Variants in CLN8 observed in about 807,000 individuals in gnomAD.
CLN8 encodes CLN8 transmembrane ER and ERGIC protein.
CLN8 carries 14 observed loss-of-function variants against 15.7 expected under a neutral mutation model. The observed-to-expected ratio is 0.89, with a 90% confidence interval of 0.59 to 1.39. The LOEUF (loss-of-function observed/expected upper bound fraction) is 1.39. CLN8 is among the 40% of genes most tolerant of loss of function. CLN8 has a pLI of 0.00. For missense variants in CLN8, 415 were observed against 364.0 expected, an observed-to-expected ratio of 1.14 and a Z score of -1.14; for synonymous variants, 188 against 151.0, an observed-to-expected ratio of 1.25 and a Z score of -1.80.
rs1801761705 is a variant in CLN8 at position 1,783,695 on chromosome 8, T to G, written c.*3128T>G. On this transcript the variant is annotated 3_prime_UTR_variant, in exon 3 of 3. Transcript: ENST00000331222. ...ATGCTGGAGTTGTCATGGCCGCAGT[T>G]CAGTGTGAGATTTTTTACCAGGTAT... 6.6e-6 allele frequency: 1 copy of G among 152,106 alleles called. No homozygotes were observed. Among genetic ancestry groups the G allele is most frequent in the Admixed American group, 6.5e-5 (1 of 15,272 alleles). The allele number at this position is 152,106 out of a possible 1,614,324, so 9.4% of individuals were successfully genotyped here. A position where few individuals can be genotyped will look rare whatever the true frequency, so the allele number is the denominator to read the frequency against.
intron 2 of CLN8, among the ~76,000 whole-genome samples, chr8:1,774,133 C>T (rs1423679904): frequency 2.0e-5 from 3 of 152,210 alleles, no homozygotes; most frequent in Admixed American, 6.5e-5. Context: ...GTGGGGACAG[C>T]GTCTCCAGCA....
At chr8:1,753,728 A>G (rs974578156), upstream of CLN8, among the ~76,000 whole-genome samples, 3 of 151,506 alleles carry the variant, frequency 2.0e-5, no homozygotes, top group Admixed American at 2.0e-4. Flanking sequence ...TACTAAAAAT[A>G]CAAAAAAATT....
intron 2 of CLN8, among the ~76,000 whole-genome samples, chr8:1,775,987 A>G (rs1274714365): frequency 1.3e-5 from 2 of 152,200 alleles, no homozygotes; most frequent in Non-Finnish European, 2.9e-5. Flanking sequence ...CTGGAAGCTG[A>G]ATCTGTGAGG....
chr8:1,759,831 A>C (rs1462129810), upstream of CLN8: 1 of 152,246 alleles, frequency 6.6e-6, no homozygotes, highest in Non-Finnish European at 1.5e-5. Context: ...TCACTGGTGA[A>C]GGACACTGGA....
intron 2 of CLN8, among the ~76,000 whole-genome samples, chr8:1,776,972 A>G (rs1236210120): frequency 6.6e-6 from 1 of 152,214 alleles, no homozygotes; most frequent in Non-Finnish European, 1.5e-5. Context: ...AAGAGTACAC[A>G]GCGTGTGATA....
intron 1 of CLN8, among the ~76,000 whole-genome samples, chr8:1,757,356 G>A (rs1055633858): frequency 3.3e-5 from 5 of 152,320 alleles, no homozygotes; most frequent in Non-Finnish European, 5.9e-5. Flanking sequence ...GGGAGGGGGC[G>A]TAGAGGACAG....
At chr8:1,769,610 G>T (rs1049759237) in intron 1 of CLN8, among the ~76,000 whole-genome samples, 1 of 152,150 alleles carries the variant, frequency 6.6e-6, no homozygotes, top group South Asian at 2.1e-4. Flanking sequence ...GTCGGTAGCC[G>T]TTCCTATGTC....
Position 1,782,102 on chromosome 8 carries a change from T to C in CLN8, c.*1535T>C, listed in dbSNP as rs938228748. 8.5e-5 allele frequency: 13 copies of C among 152,216 alleles called. No homozygotes were observed. Among genetic ancestry groups the C allele is most frequent in the African/African-American group, 3.1e-4 (13 of 41,458 alleles). 9.4% of individuals were successfully genotyped at this position (152,216 alleles called of 1,614,324 possible). On this transcript the variant is annotated 3_prime_UTR_variant, in exon 3 of 3. Coordinates refer to ENST00000331222, the MANE Select transcript of CLN8 (RefSeq NM_018941.4). Reference sequence around the variant, plus strand: ...AATCATGTGTGACTTACGTTCCTTATGTTTTATGGAACTCTCGGAACAGTG... The same window carrying C: ...AATCATGTGTGACTTACGTTCCTTACGTTTTATGGAACTCTCGGAACAGTG...
In CLN8 at chr8:1,771,205, G is replaced by A. The variant is rs777453297; in HGVS notation, c.151G>A (p.Ala51Thr). ...CCACCAGCTGTCCTCTTCCCTGAAT[G>A]CCACTTACCGTTCTTTGGTGGCCAG... is the stretch of plus-strand genomic sequence containing the variant. ...VCHQLSSSLN[A>T]TYRSLVAREK... Residue 51 changes from alanine (A) to threonine (T), a missense_variant, in exon 2 of 3, where the codon GCC becomes ACC. Coordinates refer to ENST00000331222, the MANE Select transcript of CLN8 (RefSeq NM_018941.4). The A allele has an allele frequency of 4.0e-5, 64 of 1,613,956 alleles. No individual in the cohort carries two copies. The South Asian group carries it at 6.5e-4, about 16-fold the overall frequency.
rs530479872 is a variant in CLN8, at chr8:1,775,360, C to T, written c.543+3763C>T. Among the ~76,000 whole-genome samples, 4 of 152,236 alleles carry T rather than the reference C, an allele frequency of 2.6e-5. No homozygotes were observed. In the South Asian group the frequency reaches 8.3e-4, roughly 32 times the overall value. Reference sequence around the variant, plus strand: ...CCCAGGAACCAGTCCCCCAAGGATACTGAGGGTGACTGTATATTTAAGTAT... The same window carrying T: ...CCCAGGAACCAGTCCCCCAAGGATATTGAGGGTGACTGTATATTTAAGTAT... On this transcript the variant is annotated intron_variant, in intron 2 of 2. Coordinates refer to ENST00000331222, the MANE Select transcript of CLN8 (RefSeq NM_018941.4).
intron 2 of CLN8, among the ~76,000 whole-genome samples, chr8:1,778,310 C>G (rs993236200): frequency 6.6e-6 from 1 of 152,220 alleles, no homozygotes; most frequent in Non-Finnish European, 1.5e-5. Flanking sequence ...TAGCCTAACT[C>G]TATAATTTCA....
chr8:1,782,884 C>T lies in CLN8; in HGVS notation c.*2317C>T, dbSNP rs569623702. The T allele has an allele frequency of 2.6e-5, 4 of 152,340 alleles. No individual in the cohort carries two copies. Among genetic ancestry groups the T allele is most frequent in the East Asian group, 1.9e-4 (1 of 5,178 alleles). The allele number at this position is 152,340 out of a possible 1,614,324, so 9.4% of individuals were successfully genotyped here. A position where few individuals can be genotyped will look rare whatever the true frequency, so the allele number is the denominator to read the frequency against. ...ACTTTGACCTTCCCAGGGGTCCACA[C>T]TTTACCTCCTGTATCTTCATACGCG... is the stretch of plus-strand genomic sequence containing the variant. On this transcript the variant is annotated 3_prime_UTR_variant, in exon 3 of 3. Transcript: ENST00000331222.
intron 2 of CLN8, among the ~76,000 whole-genome samples, chr8:1,775,003 G>A (rs1445426962): frequency 1.3e-5 from 2 of 151,966 alleles, no homozygotes; most frequent in African/African-American, 4.8e-5. Flanking sequence ...CCCGCTGTCA[G>A]TTTTTATATA....
chr8:1,776,289 C>T (rs1456641957), intron 2 of CLN8, among the ~76,000 whole-genome samples: 1 of 152,218 alleles, frequency 6.6e-6, no homozygotes, highest in Non-Finnish European at 1.5e-5. Flanking sequence ...TGTGGTAATG[C>T]TCCAGTACAC....
intron 2 of CLN8, among the ~76,000 whole-genome samples, chr8:1,776,354 T>C (rs929452684): frequency 3.9e-5 from 6 of 152,230 alleles, no homozygotes; most frequent in African/African-American, 1.2e-4. Context: ...GGTATGCATG[T>C]GGCCCCGCTC....
intron 1 of CLN8, among the ~76,000 whole-genome samples, chr8:1,768,985 C>G (rs532340935): frequency 3.3e-5 from 5 of 152,332 alleles, no homozygotes; most frequent in African/African-American, 9.6e-5. Flanking sequence ...TAGCATCTAT[C>G]AGAGAGCACG....
At chr8:1,769,814 A>C (rs945220971) in intron 1 of CLN8, among the ~76,000 whole-genome samples, 1 of 152,168 alleles carries the variant, frequency 6.6e-6, no homozygotes, top group Non-Finnish European at 1.5e-5. Flanking sequence ...TTGAGGGCCC[A>C]CTGTGGACCC....
intron 1 of CLN8, 21 bp downstream of exon 1, chr8:1,763,906 G>A (rs1031167052): frequency 6.5e-6 from 1 of 152,760 alleles, no homozygotes; most frequent in African/African-American, 2.4e-5. Context: ...AGGGAGCCCG[G>A]GTGAGGGCCG....
chr8:1,783,138 G>C lies in CLN8; in HGVS notation c.*2571G>C, dbSNP rs576417100. The stretch of plus-strand genomic sequence containing the variant: ...AGTCTCCCTGACCGGCAGTGTGAGG[G>C]GATGTAGCTATAGTGGAGCATGGTA... On this transcript the variant is annotated 3_prime_UTR_variant, in exon 3 of 3. Transcript: ENST00000331222. 1.3e-5 allele frequency: 2 copies of C among 152,296 alleles called. No individual in the cohort carries two copies. Among genetic ancestry groups the C allele is most frequent in the Non-Finnish European group, 2.9e-5 (2 of 68,078 alleles). 9.4% of individuals were successfully genotyped at this position (152,296 alleles called of 1,614,324 possible).
Sources: allele counts gnomAD v4.1 joint callset (sites outside exome capture counted in the v4.1 genomes callset), GRCh38; gene constraint gnomAD v4.1.1; transcripts MANE v1.5; gene names NCBI Gene and HGNC (gene_info 2026-07-23, HGNC 2026-07-21).